The following GLIS3 variants were observed in gnomAD, a reference collection of about 807,000 sequenced individuals.
The protein encoded by GLIS3 is GLIS family zinc finger 3, also known as zinc finger protein GLIS3.
A neutral mutation model predicts 78.6 loss-of-function variants in GLIS3; 53 were observed. That is an observed-to-expected ratio of 0.67 (90% confidence interval 0.54 to 0.85). The LOEUF (loss-of-function observed/expected upper bound fraction) is 0.85. Among genes scored for constraint, GLIS3 ranks in the 40% least tolerant of loss-of-function variants. GLIS3 has a pLI of 0.00. For synonymous variants in GLIS3, 684 were observed against 509.9 expected (o/e 1.34, Z -4.60); for missense variants, 1,703 against 1,231.1 (o/e 1.38, Z -5.74).
the GLIS3 span, among the ~76,000 whole-genome samples, chr9:4,468,227 G>C: frequency 2.6e-5 from 4 of 152,198 alleles, no homozygotes; most frequent in Non-Finnish European, 5.9e-5. Flanking sequence ...TATTATCCAG[G>C]AGAATTTCCC....
At chr9:4,357,857 G>A in the GLIS3 span, among the ~76,000 whole-genome samples, 1 of 152,150 alleles carries the variant, frequency 6.6e-6, no homozygotes. Flanking sequence ...CTGTGTCAAT[G>A]GTGCCTCTGA....
intron 4 of GLIS3, among the ~76,000 whole-genome samples, chr9:4,112,477 C>A (rs1023046500): frequency 2.6e-4 from 40 of 152,316 alleles, no homozygotes; most frequent in Non-Finnish European, 3.7e-4. Context: ...TTTTATAATA[C>A]TGTTCTCAAC....
chr9:4,200,566 A>G (rs1205580583), intron 2 of GLIS3, among the ~76,000 whole-genome samples: 2 of 152,194 alleles, frequency 1.3e-5, no homozygotes, highest in Non-Finnish European at 2.9e-5. Flanking sequence ...AAGGAAATAG[A>G]TAAATTCCTG....
At chr9:4,253,510 C>G (rs946536495) in intron 2 of GLIS3, among the ~76,000 whole-genome samples, 6 of 152,338 alleles carry the variant, frequency 3.9e-5, no homozygotes, top group African/African-American at 1.4e-4. Flanking sequence ...CTGACAGTGA[C>G]AATTTGAAGC....
chr9:4,292,424 A>G (rs1242191551), intron 1 of GLIS3, among the ~76,000 whole-genome samples: 3 of 152,186 alleles, frequency 2.0e-5, no homozygotes, highest in Non-Finnish European at 4.4e-5. Flanking sequence ...AAACAGTATA[A>G]AAGTCACTGT....
intron 4 of GLIS3, among the ~76,000 whole-genome samples, chr9:3,978,323 C>T (rs1166719262): frequency 6.6e-6 from 1 of 151,816 alleles, no homozygotes; most frequent in African/African-American, 2.4e-5. Flanking sequence ...TAAATAAACA[C>T]TATTAGTATA....
At chr9:3,903,072 A>G (rs182732629) in intron 6 of GLIS3, among the ~76,000 whole-genome samples, 1 of 152,174 alleles carries the variant, frequency 6.6e-6, no homozygotes, top group Non-Finnish European at 1.5e-5. Flanking sequence ...GTCATCATAA[A>G]ATATCTTGGC....
At chr9:4,185,909 G>A (rs900691105) in intron 2 of GLIS3, among the ~76,000 whole-genome samples, 1 of 152,218 alleles carries the variant, frequency 6.6e-6, no homozygotes, top group Non-Finnish European at 1.5e-5. Context: ...TCAGGGAAGA[G>A]AGCGAGGTGG....
At chr9:4,142,915 G>C (rs945519979) in intron 2 of GLIS3, among the ~76,000 whole-genome samples, 13 of 152,148 alleles carry the variant, frequency 8.5e-5, no homozygotes, top group African/African-American at 2.9e-4. Context: ...TTTTAAGGCT[G>C]AAAGATCAGT....
chr9:4,419,614 T>C, the GLIS3 span, among the ~76,000 whole-genome samples: 1 of 151,828 alleles, frequency 6.6e-6, no homozygotes, highest in Non-Finnish European at 1.5e-5. Context: ...ACCCCATCTC[T>C]ACTAAAAATA....
At chr9:4,466,468 C>T in the GLIS3 span, among the ~76,000 whole-genome samples, 13 of 152,190 alleles carry the variant, frequency 8.5e-5, no homozygotes, top group East Asian at 3.9e-4. Flanking sequence ...TAATCCAAAA[C>T]GAGACAAAGG....
In GLIS3 at chr9:4,286,385, G is replaced by C. The variant is rs765421766; in HGVS notation, c.41C>G (p.Ser14Trp). 5 of 1,614,142 alleles carry C rather than the reference G, an allele frequency of 3.1e-6. No individual in the cohort carries two copies. The highest frequency in any genetic ancestry group is 2.2e-5 in the South Asian group (2 of 91,072). ...CATCCTAGGCCCCTGTGGGGTTCCCGATGTCCGGTGGAGACTCATGCTGCA... is the reference window on the plus strand; with the variant it reads ...CATCCTAGGCCCCTGTGGGGTTCCCCATGTCCGGTGGAGACTCATGCTGCA... Reference protein sequence around the residue: ...RSCSMSLHRTSGTPQGPRMVS... With the variant: ...RSCSMSLHRTWGTPQGPRMVS... Residue 14 changes from serine (S) to tryptophan (W), a missense_variant, in exon 2 of 11, where the codon TCG (serine) becomes TGG (tryptophan). Transcript: ENST00000381971.
upstream of GLIS3, among the ~76,000 whole-genome samples, chr9:4,301,545 G>T (rs984022593): frequency 7.2e-5 from 11 of 152,186 alleles, no homozygotes; most frequent in Non-Finnish European, 1.5e-4. Context: ...GAGCAAGATG[G>T]CAACACTAAC....
chr9:4,153,722 G>A (rs1053880133), intron 2 of GLIS3, among the ~76,000 whole-genome samples: 3 of 152,182 alleles, frequency 2.0e-5, no homozygotes, highest in African/African-American at 7.2e-5. Flanking sequence ...ATGGTAGTGG[G>A]TCAACAGTTT....
At chr9:4,332,803 G>A (rs1817704694) in intron 2 of GLIS3, among the ~76,000 whole-genome samples, 1 of 152,124 alleles carries the variant, frequency 6.6e-6, no homozygotes, top group Non-Finnish European at 1.5e-5. Context: ...CATCTATTCA[G>A]TAAATATGTC....
Position 4,118,395 on chromosome 9 carries a change from C to A in GLIS3, c.1083G>T (p.Gln361His). The A allele has an allele frequency of 6.2e-7, 1 of 1,604,666 alleles. No individual in the cohort carries two copies. The highest frequency in any genetic ancestry group is 1.7e-5 in the Admixed American group (1 of 59,774). The change falls in exon 4 of 11, where the codon CAG becomes CAT. Residue 361 changes from glutamine (Q) to histidine (H), a missense_variant. By Grantham distance (24) the Gln-to-His change is conservative. Coordinates refer to ENST00000381971, the MANE Select transcript of GLIS3 (RefSeq NM_001042413.2). The surrounding 1 kb of genome is among the most constrained non-coding windows in gnomAD (Gnocchi z 4.7). ...FLGVRGSCIP[Q>H]PRPVPGSQKG... ...TCTGGCTGCCGGGCACCGGGCGCGGCTGGGGAATGCAGCTGCCGCGCACGC... is the reference window on the plus strand; with the variant it reads ...TCTGGCTGCCGGGCACCGGGCGCGGATGGGGAATGCAGCTGCCGCGCACGC...
chr9:4,118,744 C>A lies in GLIS3; in HGVS notation c.734G>T (p.Gly245Val). The A allele has an allele frequency of 6.2e-7, 1 of 1,613,932 alleles. No homozygotes were observed. The highest frequency in any genetic ancestry group is 1.1e-5 in the South Asian group (1 of 91,076). Residue 245 changes from glycine to valine, a missense_variant, in exon 4 of 11, where the codon GGC (glycine) becomes GTC (valine). Physicochemically the swap from Gly to Val is moderately radical, Grantham distance 109 (BLOSUM62 -3). Transcript: ENST00000381971. This position sits in a 1 kb window ranked among gnomAD's most constrained non-coding sequence, Gnocchi z 4.7. Reference protein sequence around the residue: ...PSLSNHGSQNGLDLGDLLSLP... With the variant: ...PSLSNHGSQNVLDLGDLLSLP... ...GCTAAGGAGATCCCCTAGATCAAGGCCATTCTGAGAGCCGTGGTTGGAGAG... is the reference window on the plus strand; with the variant it reads ...GCTAAGGAGATCCCCTAGATCAAGGACATTCTGAGAGCCGTGGTTGGAGAG...
At chr9:4,037,187 A>G (rs1242669755) in intron 4 of GLIS3, among the ~76,000 whole-genome samples, 2 of 152,238 alleles carry the variant, frequency 1.3e-5, no homozygotes, top group African/African-American at 2.4e-5. Context: ...CTCTTCACAG[A>G]CAAAGCTGTT....
At chr9:3,836,117 GTA>G (rs1818335792) in intron 9 of GLIS3, among the ~76,000 whole-genome samples, 1 of 152,222 alleles carries the variant, frequency 6.6e-6, no homozygotes. Context: ...CTGATGGCAG[GTA>G]TAGTCAGGAG....
Sources: gnomAD v4.1 joint callset for allele counts (sites outside exome capture counted in the v4.1 genomes callset) on GRCh38, gnomAD v4.1.1 for gene constraint, Gnocchi (gnomAD v3.1) non-coding constraint, MANE v1.5 for transcripts, NCBI Gene and HGNC (gene_info 2026-07-23, HGNC 2026-07-21) for gene names.